Variants in CYSLTR2 observed in about 807,000 individuals in gnomAD.
CYSLTR2 encodes cysteinyl leukotriene receptor 2, also known as G-protein coupled receptor GPCR21.
For synonymous variants in CYSLTR2, 179 were observed against 160.8 expected, an observed-to-expected ratio of 1.11 and a Z score of -0.86; for missense variants, 398 against 411.9, an observed-to-expected ratio of 0.97 and a Z score of 0.29.
chr13:48,703,249 A>G (rs946209668), intron 4 of CYSLTR2, among the ~76,000 whole-genome samples: 4 of 152,056 alleles, frequency 2.6e-5, no homozygotes, highest in Non-Finnish European at 5.9e-5. Flanking sequence ...TAACTATGTC[A>G]TCTACAGATA....
chr13:48,673,458 T>TTTTTTTTTTTTTTTTTTTTTTA (rs1953503597), intron 1 of CYSLTR2, among the ~76,000 whole-genome samples: 1 of 121,880 alleles, frequency 8.2e-6, no homozygotes, highest in Non-Finnish European at 1.6e-5. Flanking sequence ...TTTTTTTTTT[T>TTTTTTTTTTTTTTTTTTTTTTA]GCTTTCCATT....
rs746179854 is a variant in CYSLTR2, at chr13:48,677,868, A to ATT, written c.-265-13327_-265-13326dup. ...TCCTGTTACTGAATCGCCTGGTACT[A>ATT]TTTTTTTTTTTTTTTTTTGGGACAG... On this transcript the variant is annotated intron_variant, in intron 1 of 4. Transcript: ENST00000682523. Among the ~76,000 whole-genome samples the ATT allele has an allele frequency of 6.3e-4, 83 of 131,674 alleles. 1 individual carries two copies. The highest frequency in any genetic ancestry group is 1.6e-3 in the African/African-American group (54 of 34,616). 86.4% of individuals were successfully genotyped at this position (131,674 alleles called of 152,430 possible).
chr13:48,672,616 CTTTTTTTTT>C (rs71076039), intron 1 of CYSLTR2, among the ~76,000 whole-genome samples: 1 of 120,132 alleles, frequency 8.3e-6, no homozygotes, highest in Non-Finnish European at 1.7e-5. Flanking sequence ...CTTTTCTTTT[CTTTTTTTTT>C]TTTTTTTTTT....
chr13:48,693,226 G>A (rs949749884), intron 2 of CYSLTR2, among the ~76,000 whole-genome samples: 1 of 151,636 alleles, frequency 6.6e-6, no homozygotes, highest in Admixed American at 6.6e-5. Flanking sequence ...TTTAACTTTG[G>A]CCTTATAGAA....
chr13:48,693,581 A>G (rs1954090346), intron 3 of CYSLTR2, 71 bp downstream of exon 3: 1 of 152,010 alleles, frequency 6.6e-6, no homozygotes, highest in Non-Finnish European at 1.5e-5. Context: ...AAAAAAAGAA[A>G]GAAAAGGGAG....
chr13:48,672,620 T>C (rs1340717719), intron 1 of CYSLTR2, among the ~76,000 whole-genome samples: 4 of 99,054 alleles, frequency 4.0e-5, no homozygotes, highest in Non-Finnish European at 7.9e-5. Context: ...TCTTTTCTTT[T>C]TTTTTTTTTT....
chr13:48,673,394 T>C (rs1953497993), intron 1 of CYSLTR2, among the ~76,000 whole-genome samples: 5 of 150,550 alleles, frequency 3.3e-5, no homozygotes. Flanking sequence ...TTTGTTGGTT[T>C]AAAGTCTGTC....
intron 1 of CYSLTR2, among the ~76,000 whole-genome samples, chr13:48,677,551 A>G (rs1489940625): frequency 1.3e-5 from 2 of 152,184 alleles, no homozygotes; most frequent in Admixed American, 6.5e-5. Context: ...ATTCTACCAT[A>G]CTATGGCTCA....
chr13:48,704,532 A>G (rs1265982350), intron 4 of CYSLTR2, among the ~76,000 whole-genome samples: 1 of 141,684 alleles, frequency 7.1e-6, no homozygotes, highest in South Asian at 2.2e-4. Flanking sequence ...TTTTTTCTTG[A>G]GGATGGAGCT....
At chr13:48,697,049 G>A (rs1189643024) in intron 4 of CYSLTR2, among the ~76,000 whole-genome samples, 2 of 152,220 alleles carry the variant, frequency 1.3e-5, no homozygotes, top group Non-Finnish European at 2.9e-5. Flanking sequence ...AGCTCAAGGA[G>A]GCCTGTCTGC....
chr13:48,701,428 A>G (rs1381499190), intron 4 of CYSLTR2, among the ~76,000 whole-genome samples: 1 of 152,246 alleles, frequency 6.6e-6, no homozygotes, highest in Non-Finnish European at 1.5e-5. Flanking sequence ...CTGGCTAGCC[A>G]TATGTAGAAA....
intron 1 of CYSLTR2, among the ~76,000 whole-genome samples, chr13:48,680,232 A>C (rs1387212059): frequency 6.6e-6 from 1 of 152,198 alleles, no homozygotes. Flanking sequence ...AAGGTGGGCA[A>C]ACCCATCTGA....
chr13:48,661,832 T>C (rs1953137721), intron 1 of CYSLTR2, among the ~76,000 whole-genome samples: 1 of 152,252 alleles, frequency 6.6e-6, no homozygotes, highest in Non-Finnish European at 1.5e-5. Context: ...TCATCTCAAA[T>C]ATTTATCATT....
At chr13:48,676,343 G>A (rs982368753) in intron 1 of CYSLTR2, among the ~76,000 whole-genome samples, 4 of 152,080 alleles carry the variant, frequency 2.6e-5, no homozygotes, top group Non-Finnish European at 4.4e-5. Context: ...TTTCCATTTG[G>A]TCTGATAGGC....
intron 1 of CYSLTR2, among the ~76,000 whole-genome samples, chr13:48,672,924 G>T (rs2089202650): frequency 6.6e-6 from 1 of 152,160 alleles, no homozygotes; most frequent in African/African-American, 2.4e-5. Flanking sequence ...CCTGGAGTGA[G>T]TTTCTCAATC....
In CYSLTR2 at chr13:48,689,354, C is replaced by T. The variant is rs140298352; in HGVS notation, c.-265-1858C>T. Among the ~76,000 whole-genome samples the T allele has an allele frequency of 2.9e-3, 444 of 152,176 alleles. 2 individuals are homozygous for T. The highest frequency in any genetic ancestry group is 0.017 in the Middle Eastern group (5 of 294). The stretch of plus-strand genomic sequence containing the variant: ...CATGCCTGTGTCCTGAATGTATTGC[C>T]TAGGTTTTCTTCTAGGGTTTTTATG... On this transcript the variant is annotated intron_variant, in intron 1 of 4. Coordinates refer to ENST00000682523, the MANE Select transcript of CYSLTR2 (RefSeq NM_001308476.3).
intron 1 of CYSLTR2, among the ~76,000 whole-genome samples, chr13:48,670,770 T>A (rs1354231903): frequency 6.6e-6 from 1 of 152,238 alleles, no homozygotes; most frequent in Non-Finnish European, 1.5e-5. Context: ...GGCTCTTTTA[T>A]GGCTCCATCT....
At chr13:48,679,042 G>A (rs1471340471) in intron 1 of CYSLTR2, among the ~76,000 whole-genome samples, 1 of 152,056 alleles carries the variant, frequency 6.6e-6, no homozygotes, top group Admixed American at 6.6e-5. Flanking sequence ...CAATTCCTTG[G>A]TATGGAGAAA....
intron 1 of CYSLTR2, among the ~76,000 whole-genome samples, chr13:48,658,873 G>T (rs1953061844): frequency 6.6e-6 from 1 of 152,114 alleles, no homozygotes; most frequent in South Asian, 2.1e-4. Context: ...ACTCTGAGAT[G>T]ATAATGGGTT....
Sources: gnomAD v4.1 joint callset for allele counts (sites outside exome capture counted in the v4.1 genomes callset) on GRCh38, gnomAD v4.1.1 for gene constraint, MANE v1.5 for transcripts, NCBI Gene and HGNC (gene_info 2026-07-23, HGNC 2026-07-21) for gene names.